E2F5: variants seen among roughly 807,000 people sequenced by gnomAD.
E2F5 encodes E2F transcription factor 5.
E2F5 carries 23 observed loss-of-function variants against 39.1 expected under a neutral mutation model. The ratio of observed to expected loss-of-function variants is 0.59; its 90% CI spans 0.42 to 0.83. The LOEUF is 0.83. Among genes scored for constraint, E2F5 ranks in the 40% least tolerant of loss-of-function variants. The pLI, the probability that E2F5 is intolerant of heterozygous loss-of-function variation, is 0.00. For missense variants in E2F5, 365 were observed against 406.7 expected (o/e 0.90, Z 0.88); for synonymous variants, 145 against 157.8 (o/e 0.92, Z 0.61).
intron 1 of E2F5, among the ~76,000 whole-genome samples, chr8:85,189,222 G>A (rs1347670050): frequency 2.0e-5 from 3 of 152,090 alleles, no homozygotes; most frequent in Admixed American, 6.6e-5. Flanking sequence ...AGTATCAGTA[G>A]AAAGCTTGGG....
At chr8:85,179,055 C>G (rs1403342080) in intron 1 of E2F5, among the ~76,000 whole-genome samples, 1 of 152,158 alleles carries the variant, frequency 6.6e-6, no homozygotes, top group Non-Finnish European at 1.5e-5. Flanking sequence ...TTCTTCCTTT[C>G]TCTCCCTGAA....
At chr8:85,190,309 CTTCTCCAAACCG>C (rs1368323442) in intron 1 of E2F5, among the ~76,000 whole-genome samples, 1 of 151,906 alleles carries the variant, frequency 6.6e-6, no homozygotes, top group African/African-American at 2.4e-5. Context: ...CAACTGGCCA[CTTCTCCAAACCG>C]TCTGGTCTTA....
chr8:85,204,250 C>A (rs1812754477), intron 3 of E2F5, among the ~76,000 whole-genome samples: 1 of 152,042 alleles, frequency 6.6e-6, no homozygotes, highest in Non-Finnish European at 1.5e-5. Context: ...ATTGCCCCAA[C>A]CATGGTTATG....
intron 1 of E2F5, among the ~76,000 whole-genome samples, chr8:85,188,268 T>G (rs1812385569): frequency 6.6e-6 from 1 of 152,158 alleles, no homozygotes; most frequent in African/African-American, 2.4e-5. Flanking sequence ...TACTTACTTT[T>G]AAGTGAGTTT....
At chr8:85,204,055 A>G (rs751220751) in intron 3 of E2F5, among the ~76,000 whole-genome samples, 12 of 152,000 alleles carry the variant, frequency 7.9e-5, no homozygotes, top group Non-Finnish European at 1.6e-4. Context: ...TCACATTTTC[A>G]TGTATTTGGT....
chr8:85,206,716 A>G (rs899462527), intron 4 of E2F5, among the ~76,000 whole-genome samples: 4 of 152,204 alleles, frequency 2.6e-5, no homozygotes, highest in African/African-American at 9.7e-5. Flanking sequence ...CCTTAAAATA[A>G]CAATATCATG....
chr8:85,193,402 G>A (rs1812511149), intron 1 of E2F5, among the ~76,000 whole-genome samples: 1 of 151,908 alleles, frequency 6.6e-6, no homozygotes, highest in Non-Finnish European at 1.5e-5. Context: ...AGAATTGCTT[G>A]GACCCAGGAG....
intron 1 of E2F5, 72 bp downstream of exon 1, chr8:85,177,726 G>A: frequency 8.5e-7 from 1 of 1,177,806 alleles, no homozygotes; most frequent in Non-Finnish European, 1.1e-6. Context: ...GCCCCTCGCC[G>A]CGTGGGTCTA....
chr8:85,211,221 A>T (rs1812912629), intron 6 of E2F5, among the ~76,000 whole-genome samples: 1 of 29,212 alleles, frequency 3.4e-5, no homozygotes, highest in Non-Finnish European at 1.3e-4. Flanking sequence ...CCCTATCTCT[A>T]AAAAAAAAAA....
rs1812113444 is a variant in E2F5 at position 85,177,620 on chromosome 8, A to G, written c.200A>G (p.Gln67Arg). 1 of 1,296,280 alleles carries G rather than the reference A, an allele frequency of 7.7e-7. No individual in the cohort carries two copies. 80.3% of individuals were successfully genotyped at this position (1,296,280 alleles called of 1,614,324 possible). The change falls in exon 1 of 8, where the codon CAG (glutamine) becomes CGG (arginine). Residue 67 changes from glutamine to arginine, a missense_variant. Coordinates refer to ENST00000416274, the MANE Select transcript of E2F5 (RefSeq NM_001951.4). ...ACTACCAAGTTCGTGTCGCTGCTGC[A>G]GGAGGCCAAGGACGGCGTTCTGGAT... ...LLTTKFVSLL[Q>R]EAKDGVLDLK...
chr8:85,190,666 G>A (rs970053810), intron 1 of E2F5, among the ~76,000 whole-genome samples: 2 of 151,806 alleles, frequency 1.3e-5, no homozygotes, highest in African/African-American at 4.8e-5. Context: ...ACCATGCCCA[G>A]GTAATTTTTG....
At chr8:85,197,742 T>C (rs750596920) in intron 1 of E2F5, among the ~76,000 whole-genome samples, 1 of 152,190 alleles carries the variant, frequency 6.6e-6, no homozygotes. Flanking sequence ...TTAAAGTAAA[T>C]GTGATTAAGA....
intron 4 of E2F5, among the ~76,000 whole-genome samples, chr8:85,207,033 A>C (rs1329644177): frequency 2.0e-5 from 3 of 152,168 alleles, no homozygotes; most frequent in African/African-American, 4.8e-5. Context: ...AAAAATAATA[A>C]AATCATTTAA....
intron 1 of E2F5, among the ~76,000 whole-genome samples, chr8:85,178,721 T>G (rs1383832079): frequency 2.6e-5 from 4 of 152,268 alleles, no homozygotes; most frequent in East Asian, 3.9e-4. Flanking sequence ...TCCTCAAGGC[T>G]CTGCATAAAG....
chr8:85,206,074 T>G (rs867734431), intron 3 of E2F5, 103 bp from the exon 4 acceptor site: 10 of 1,078,910 alleles, frequency 9.3e-6, no homozygotes, highest in Middle Eastern at 4.9e-4. Context: ...GCAGTCCCTC[T>G]GTGCATATGG....
chr8:85,211,645 T>TGTTG (rs57261122), intron 6 of E2F5, among the ~76,000 whole-genome samples: 8 of 118,940 alleles, frequency 6.7e-5, no homozygotes, highest in African/African-American at 2.9e-4. Flanking sequence ...TTGTTGTTGT[T>TGTTG]TTTTTTTTTT....
chr8:85,186,788 GTATATATATGATATGTA>G (rs1185739981), intron 1 of E2F5, among the ~76,000 whole-genome samples: 1 of 146,574 alleles, frequency 6.8e-6, no homozygotes, highest in Non-Finnish European at 1.5e-5. Flanking sequence ...TATATAAGGT[GTATATATATGATATGTA>G]TATATAAGGT....
intron 1 of E2F5, among the ~76,000 whole-genome samples, chr8:85,181,775 C>A (rs903063027): frequency 4.0e-5 from 6 of 151,424 alleles, no homozygotes; most frequent in African/African-American, 1.5e-4. Context: ...GCCTGCCCAA[C>A]ATGGCGAAAC....
intron 5 of E2F5, among the ~76,000 whole-genome samples, chr8:85,208,930 T>A (rs1483521130): frequency 6.6e-6 from 1 of 152,192 alleles, no homozygotes; most frequent in Non-Finnish European, 1.5e-5. Context: ...GATCAGTATT[T>A]GTGAAAAGCT....
Sources: allele counts gnomAD v4.1 joint callset (sites outside exome capture counted in the v4.1 genomes callset), GRCh38; gene constraint gnomAD v4.1.1; transcripts MANE v1.5; gene names NCBI Gene and HGNC (gene_info 2026-07-23, HGNC 2026-07-21).